NT5DC1: variants seen among roughly 807,000 people sequenced by gnomAD.
NT5DC1 encodes the protein 5'-nucleotidase domain containing 1, also known as 5'-nucleotidase domain-containing protein 1.
A neutral mutation model predicts 59.4 loss-of-function variants in NT5DC1; 42 were observed. The observed-to-expected ratio is 0.71, with a 90% CI of 0.55 to 0.92. The LOEUF (loss-of-function observed/expected upper bound fraction) is 0.92. Ranked by LOEUF, NT5DC1 falls within the 40% of genes least tolerant of loss-of-function variation. The pLI is 0.00. For missense variants in NT5DC1, 501 were observed against 537.1 expected, an observed-to-expected ratio of 0.93 and a Z score of 0.66; for synonymous variants, 172 against 188.1, an observed-to-expected ratio of 0.91 and a Z score of 0.70.
chr6:116,197,728 C>T (rs752002734), intron 6 of NT5DC1, among the ~76,000 whole-genome samples: 14 of 152,038 alleles, frequency 9.2e-5, no homozygotes, highest in Non-Finnish European at 1.9e-4. Flanking sequence ...GTATTTATCT[C>T]ATAGGATGTT....
rs781656024 is a variant in NT5DC1 at position 116,108,392 on chromosome 6, G to A, written c.214G>A (p.Asp72Asn). 6.3e-5 allele frequency: 102 copies of A among 1,609,812 alleles called. No homozygotes were observed. The highest frequency in any genetic ancestry group is 8.5e-5 in the Non-Finnish European group (100 of 1,176,350). Reference sequence around the variant, plus strand: ...CAAAGGTTTGGCATTGGATCTAGAAGATGGGAACTTCCTTAAACTTGCAAA... The same window carrying A: ...CAAAGGTTTGGCATTGGATCTAGAAAATGGGAACTTCCTTAAACTTGCAAA... ...CCKGLALDLEDGNFLKLANNG... is the reference protein window; with the variant it reads ...CCKGLALDLENGNFLKLANNG... Residue 72 changes from aspartate to asparagine, a missense_variant, in exon 3 of 12, where the codon GAT becomes AAT. Coordinates refer to ENST00000319550, the MANE Select transcript of NT5DC1 (RefSeq NM_152729.3).
chr6:116,150,483 C>T (rs980565912), intron 6 of NT5DC1, among the ~76,000 whole-genome samples: 1 of 152,062 alleles, frequency 6.6e-6, no homozygotes, highest in African/African-American at 2.4e-5. Flanking sequence ...CAGGGTTTTA[C>T]CATGTTGGCC....
chr6:116,220,991 G>A, intron 6 of NT5DC1, 63 bp from the exon 7 acceptor site: 1 of 779,850 alleles, frequency 1.3e-6, no homozygotes, highest in Admixed American at 2.3e-5. Context: ...TAACTTGTTA[G>A]AGAATATATT....
intron 6 of NT5DC1, among the ~76,000 whole-genome samples, chr6:116,220,132 T>G (rs1781769138): frequency 6.8e-6 from 1 of 147,238 alleles, no homozygotes; most frequent in Non-Finnish European, 1.5e-5. Context: ...CTTTTTTTTT[T>G]TTTTTTTTTT....
intron 6 of NT5DC1, among the ~76,000 whole-genome samples, chr6:116,148,143 C>T (rs1779945800): frequency 6.6e-6 from 1 of 152,088 alleles, no homozygotes; most frequent in African/African-American, 2.4e-5. Flanking sequence ...CACAGAATAT[C>T]TCATATTCCT....
chr6:116,144,036 G>A (rs545484628), intron 6 of NT5DC1, among the ~76,000 whole-genome samples: 2 of 152,226 alleles, frequency 1.3e-5, no homozygotes, highest in East Asian at 1.9e-4. Flanking sequence ...CACACACATT[G>A]CCAAATAAAT....
intron 6 of NT5DC1, among the ~76,000 whole-genome samples, chr6:116,188,412 A>T (rs1353774314): frequency 6.6e-6 from 1 of 152,060 alleles, no homozygotes; most frequent in Non-Finnish European, 1.5e-5. Context: ...ATATCCCTCA[A>T]TAGTGCAGTT....
rs1582811551 is a variant in NT5DC1 at position 116,119,989 on chromosome 6, C to G, written c.529+2044C>G. ...AAATAAAAATTACATTCTTTTCAGC[C>G]TACCTCCATATGCATTTTGTAGGGT... On this transcript the variant is annotated intron_variant, in intron 6 of 11. Coordinates refer to ENST00000319550, the MANE Select transcript of NT5DC1 (RefSeq NM_152729.3). 3 of 1,172,552 alleles carry G rather than the reference C, an allele frequency of 2.6e-6. No individual in the cohort carries two copies. In the Middle Eastern group the frequency reaches 7.2e-4, roughly 281 times the overall value. 72.6% of individuals were successfully genotyped at this position (1,172,552 alleles called of 1,614,324 possible). A position where few individuals can be genotyped will look rare whatever the true frequency, so the allele number is the denominator to read the frequency against.
rs778580282 is a variant in NT5DC1 at position 116,237,029 on chromosome 6, A to G, written c.866A>G (p.Asn289Ser). The G allele has an allele frequency of 6.2e-7, 1 of 1,613,440 alleles. No homozygotes were observed. The highest frequency in any genetic ancestry group is 1.1e-5 in the South Asian group (1 of 90,996). The change falls in exon 9 of 12, where the codon AAC (asparagine) becomes AGC (serine). Residue 289 changes from asparagine to serine, a missense_variant. Asn to Ser is a conservative substitution (Grantham distance 46). Coordinates refer to ENST00000319550, the MANE Select transcript of NT5DC1 (RefSeq NM_152729.3). The part of the protein sequence containing the change: ...LDKPGWYSQG[N>S]AVHLYELLKK... ...AAACCTGGCTGGTACTCCCAAGGGA[A>G]CGCTGTCCACCTCTATGAACTTCTG...
intron 6 of NT5DC1, among the ~76,000 whole-genome samples, chr6:116,166,020 C>T (rs1260449183): frequency 3.3e-5 from 5 of 152,130 alleles, no homozygotes; most frequent in Admixed American, 6.5e-5. Context: ...ATCCTAAATC[C>T]GCACTGACAG....
intron 6 of NT5DC1, among the ~76,000 whole-genome samples, chr6:116,168,654 T>G (rs1480076469): frequency 6.6e-6 from 1 of 152,166 alleles, no homozygotes; most frequent in Non-Finnish European, 1.5e-5. Flanking sequence ...TTATATTATA[T>G]TGTCTCCTTG....
Position 116,100,884 on chromosome 6 carries a change from T to C in NT5DC1, c.-47T>C. 1 of 1,470,214 alleles carries C rather than the reference T, an allele frequency of 6.8e-7. No individual in the cohort carries two copies. The highest frequency in any genetic ancestry group is 9.3e-7 in the Non-Finnish European group (1 of 1,074,028). 91.1% of individuals were successfully genotyped at this position (1,470,214 alleles called of 1,614,324 possible). On this transcript the variant is annotated 5_prime_UTR_variant, in exon 1 of 12. Transcript: ENST00000319550. ...CCGCAGCGTCCCGCCAGCCAGCTCC[T>C]TGCACCCTTCGCGGCCGAGGCGCTC...
At chr6:116,176,381 A>G (rs983339250) in intron 6 of NT5DC1, among the ~76,000 whole-genome samples, 4 of 152,150 alleles carry the variant, frequency 2.6e-5, no homozygotes, top group Non-Finnish European at 5.9e-5. Context: ...GAGGCAGGGT[A>G]TAGTTCTCTG....
chr6:116,137,708 T>C (rs1779646459), intron 6 of NT5DC1: 1 of 155,496 alleles, frequency 6.4e-6, no homozygotes, highest in South Asian at 2.0e-4. Flanking sequence ...AAGATATCTT[T>C]TATAAAATGC....
intron 11 of NT5DC1, among the ~76,000 whole-genome samples, chr6:116,241,944 C>CAAAAAAAAAA (rs1173659223): frequency 2.9e-5 from 1 of 34,414 alleles, no homozygotes; most frequent in Non-Finnish European, 4.4e-5. Context: ...AAAAACAAAA[C>CAAAAAAAAAA]AAAAAAAAAA....
At chr6:116,203,261 T>C (rs964684086) in intron 6 of NT5DC1, among the ~76,000 whole-genome samples, 7 of 151,980 alleles carry the variant, frequency 4.6e-5, no homozygotes, top group African/African-American at 1.7e-4. Flanking sequence ...TTCATTTTCA[T>C]GGTCATGAAA....
At chr6:116,167,170 C>T (rs932389707) in intron 6 of NT5DC1, among the ~76,000 whole-genome samples, 34 of 146,510 alleles carry the variant, frequency 2.3e-4, no homozygotes, top group African/African-American at 8.0e-4. Flanking sequence ...ATACTTTGTA[C>T]TTAAAAGGTG....
chr6:116,122,645 T>TAC (rs1248300990), intron 6 of NT5DC1, among the ~76,000 whole-genome samples: 3 of 152,154 alleles, frequency 2.0e-5, no homozygotes, highest in Non-Finnish European at 4.4e-5. Context: ...AAACTAAACT[T>TAC]AAACTAAAAA....
At chr6:116,203,136 A>C (rs193302432) in intron 6 of NT5DC1, among the ~76,000 whole-genome samples, 365 of 152,124 alleles carry the variant, frequency 2.4e-3, no homozygotes, top group Non-Finnish European at 3.8e-3. Flanking sequence ...AACAAACCAA[A>C]TTACCAAGTG....
Sources: allele counts gnomAD v4.1 joint callset (sites outside exome capture counted in the v4.1 genomes callset), GRCh38; gene constraint gnomAD v4.1.1; transcripts MANE v1.5; gene names NCBI Gene and HGNC (gene_info 2026-07-23, HGNC 2026-07-21).